Variants in VSNL1 observed in about 807,000 individuals in gnomAD.
VSNL1 encodes the protein visinin-like protein 1.
In VSNL1, 6 loss-of-function variants were observed where a neutral mutation model predicts 20.4. The ratio of observed to expected loss-of-function variants is 0.29; its 90% CI spans 0.16 to 0.58. The LOEUF is 0.58. Ranked by LOEUF, VSNL1 falls within the 20% of genes least tolerant of loss-of-function variation. The pLI, the probability that VSNL1 is intolerant of heterozygous loss-of-function variation, is 0.90. For missense variants in VSNL1, 100 were observed against 234.5 expected (o/e 0.43, Z 3.75); for synonymous variants, 93 against 86.4 (o/e 1.08, Z -0.42).
At chr2:17,587,382 C>T (rs1362859346) in intron 1 of VSNL1, among the ~76,000 whole-genome samples, 2 of 151,106 alleles carry the variant, frequency 1.3e-5, no homozygotes, top group Non-Finnish European at 3.0e-5. Flanking sequence ...CACACACACA[C>T]ACACACACAC....
chr2:17,640,252 CAAA>C (rs60583462), intron 2 of VSNL1, among the ~76,000 whole-genome samples: 7 of 98,852 alleles, frequency 7.1e-5, no homozygotes, highest in Non-Finnish European at 8.2e-5. Context: ...GACTCTGTTT[CAAA>C]AAAAAAAAAA....
intron 2 of VSNL1, among the ~76,000 whole-genome samples, chr2:17,596,760 G>A (rs13006461): frequency 0.24 from 36,613 of 151,608 alleles, 5,767 homozygotes; most frequent in Middle Eastern, 0.49. Flanking sequence ...ATGGGATTTG[G>A]AATCTGACAG....
intron 1 of VSNL1, among the ~76,000 whole-genome samples, chr2:17,557,104 A>G (rs1027557042): frequency 2.0e-5 from 3 of 152,162 alleles, no homozygotes; most frequent in Non-Finnish European, 4.4e-5. Context: ...AGCGCTTTAC[A>G]TGCATACTAC....
intron 1 of VSNL1, among the ~76,000 whole-genome samples, chr2:17,582,193 G>C (rs1048063269): frequency 6.6e-6 from 1 of 152,140 alleles, no homozygotes; most frequent in Admixed American, 6.5e-5. Context: ...GAGAACATGG[G>C]GAGAGAGGAA....
chr2:17,609,876 C>T (rs889415331), intron 2 of VSNL1, among the ~76,000 whole-genome samples: 1 of 152,206 alleles, frequency 6.6e-6, no homozygotes, highest in South Asian at 2.1e-4. Flanking sequence ...ACACAACCCC[C>T]CACTGCCATC....
intron 1 of VSNL1, among the ~76,000 whole-genome samples, chr2:17,569,654 ACT>A (rs1361145140): frequency 6.6e-6 from 1 of 151,820 alleles, no homozygotes; most frequent in East Asian, 1.9e-4. Context: ...CTTCCAATTT[ACT>A]CTTTCCTCTT....
chr2:17,585,597 G>A (rs1472756490), intron 1 of VSNL1, among the ~76,000 whole-genome samples: 1 of 151,500 alleles, frequency 6.6e-6, no homozygotes, highest in Non-Finnish European at 1.5e-5. Flanking sequence ...CATGCTGTGG[G>A]GGTGGGGAGT....
In VSNL1 at chr2:17,633,995, G is replaced by GGA. The variant is rs1444069383; in HGVS notation, c.163-15413_163-15412dup. Among the ~76,000 whole-genome samples, 11 of 152,314 alleles carry GGA rather than the reference G, an allele frequency of 7.2e-5. 1 individual carries two copies. The highest frequency in any genetic ancestry group is 3.4e-3 in the Middle Eastern group (1 of 294). ...ATTTCCCATGGATCGGCACCAGCTT[G>GGA]GAGTGTCTGAGGAGGTGAGGGTGGT... On this transcript the variant is annotated intron_variant, in intron 2 of 3. Transcript: ENST00000295156.
intron 2 of VSNL1, among the ~76,000 whole-genome samples, chr2:17,622,545 AAAGAAAG>A (rs769342066): frequency 0.043 from 2,750 of 64,416 alleles, 62 homozygotes; most frequent in Middle Eastern, 0.065. Context: ...AGAAAGAAAG[AAAGAAAG>A]AAAGAAAGAA....
chr2:17,607,001 A>C (rs1664959508), intron 2 of VSNL1, among the ~76,000 whole-genome samples: 1 of 152,172 alleles, frequency 6.6e-6, no homozygotes, highest in Non-Finnish European at 1.5e-5. Flanking sequence ...AAGGCCTCCA[A>C]GCTGAACATG....
chr2:17,541,156 T>C (rs1326338954), intron 1 of VSNL1: 1 of 151,506 alleles, frequency 6.6e-6, no homozygotes, highest in Non-Finnish European at 1.5e-5. Flanking sequence ...TGGGGGATTG[T>C]CTTAGACTAG....
At chr2:17,539,982 C>T (rs1663239913), upstream of VSNL1, 1 of 145,732 alleles carries the variant, frequency 6.9e-6, no homozygotes. Context: ...ATACAGAAGG[C>T]GCTTGGCTCA....
At chr2:17,581,957 A>G (rs879570225) in intron 1 of VSNL1, among the ~76,000 whole-genome samples, 1 of 152,216 alleles carries the variant, frequency 6.6e-6, no homozygotes, top group Admixed American at 6.5e-5. Context: ...TACAGATACT[A>G]CTGTGGCAGG....
At position 17,593,041 on chromosome 2, in the gene VSNL1, A is replaced by G. The variant is rs974334995; in HGVS notation, c.162+805A>G. ...TGATTAAAATACCAAATAGAAAAAT[A>G]TTGCTTTATATCATTTAATTAGCAA... On this transcript the variant is annotated intron_variant, in intron 2 of 3. Coordinates refer to ENST00000295156, the MANE Select transcript of VSNL1 (RefSeq NM_003385.5). Among the ~76,000 whole-genome samples the G allele has an allele frequency of 2.0e-5, 3 of 152,232 alleles. No homozygotes were observed. The East Asian group carries it at 5.8e-4, about 29-fold the overall frequency.
At chr2:17,611,993 G>A (rs2103394098) in intron 2 of VSNL1, among the ~76,000 whole-genome samples, 1 of 152,276 alleles carries the variant, frequency 6.6e-6, no homozygotes, top group East Asian at 1.9e-4. Context: ...CACAGAGGTG[G>A]GCAATGCAAG....
At chr2:17,579,351 G>A (rs1207228993) in intron 1 of VSNL1, among the ~76,000 whole-genome samples, 4 of 151,936 alleles carry the variant, frequency 2.6e-5, no homozygotes, top group African/African-American at 9.7e-5. Flanking sequence ...TCCTGACCTC[G>A]TGATCCGCCC....
intron 1 of VSNL1, among the ~76,000 whole-genome samples, chr2:17,553,536 AC>A (rs1663599412): frequency 1.3e-5 from 2 of 152,188 alleles, no homozygotes; most frequent in African/African-American, 4.8e-5. Context: ...TTTCATATGA[AC>A]TTGAGCAAGT....
chr2:17,561,034 TAATC>T (rs1477308863), intron 1 of VSNL1, among the ~76,000 whole-genome samples: 1 of 152,208 alleles, frequency 6.6e-6, no homozygotes. Flanking sequence ...GTATGACAGT[TAATC>T]CAACTCAACA....
intron 2 of VSNL1, among the ~76,000 whole-genome samples, chr2:17,614,506 A>T (rs1313168359): frequency 6.6e-6 from 1 of 152,146 alleles, no homozygotes; most frequent in Non-Finnish European, 1.5e-5. Flanking sequence ...TCCACATGGC[A>T]CTTCCTTTGG....
Sources: allele counts gnomAD v4.1 joint callset (sites outside exome capture counted in the v4.1 genomes callset), GRCh38; gene constraint gnomAD v4.1.1; transcripts MANE v1.5; gene names NCBI Gene and HGNC (gene_info 2026-07-23, HGNC 2026-07-21).